CLIP1: variants seen among roughly 807,000 people sequenced by gnomAD.
CLIP1 encodes the protein CAP-Gly domain containing linker protein 1.
CLIP1 carries 66 observed loss-of-function variants against 161.6 expected under a neutral mutation model. That is an observed-to-expected ratio of 0.41 (90% confidence interval 0.33 to 0.50). The LOEUF is 0.50. CLIP1 is among the 20% of genes least tolerant of loss of function. CLIP1 has a pLI of 0.27. For synonymous variants in CLIP1, 598 were observed against 626.2 expected (o/e 0.96, Z 0.67); for missense variants, 1,376 against 1,702.0 (o/e 0.81, Z 3.37).
chr12:122,379,486 C>T (rs377190087), intron 2 of CLIP1, among the ~76,000 whole-genome samples: 5 of 149,840 alleles, frequency 3.3e-5, no homozygotes, highest in African/African-American at 7.4e-5. Flanking sequence ...TGGTGGAGCG[C>T]GCCTGTAATC....
intron 5 of CLIP1, among the ~76,000 whole-genome samples, chr12:122,358,890 G>A (rs1311833144): frequency 3.3e-5 from 5 of 151,984 alleles, no homozygotes; most frequent in African/African-American, 1.2e-4. Flanking sequence ...GTGAAACCTC[G>A]TCTCTACTAA....
chr12:122,357,654 T>G (rs1593153066), intron 5 of CLIP1, among the ~76,000 whole-genome samples: 1 of 139,844 alleles, frequency 7.2e-6, no homozygotes, highest in African/African-American at 2.7e-5. Flanking sequence ...GGAGCCCCTC[T>G]GCCCGGCCAG....
chr12:122,395,968 A>G (rs1242661871), intron 1 of CLIP1: 7 of 152,138 alleles, frequency 4.6e-5, no homozygotes, highest in Non-Finnish European at 7.3e-5. Context: ...TTAGCTGGGC[A>G]TGGTGGTGCG....
intron 1 of CLIP1, among the ~76,000 whole-genome samples, chr12:122,406,307 G>T (rs749574662): frequency 1.2e-4 from 18 of 152,256 alleles, no homozygotes; most frequent in South Asian, 1.0e-3. Context: ...TTAGCCAGGC[G>T]TGGTGGTGCG....
intron 24 of CLIP1, chr12:122,276,610 G>T: frequency 1.9e-6 from 1 of 536,956 alleles, no homozygotes; most frequent in African/African-American, 2.0e-5. Flanking sequence ...GCCCCTCAAA[G>T]GAGGTGTCTG....
At chr12:122,419,828 C>T (rs1033978353) in intron 1 of CLIP1, among the ~76,000 whole-genome samples, 1 of 144,534 alleles carries the variant, frequency 6.9e-6, no homozygotes, top group African/African-American at 2.5e-5. Flanking sequence ...CCCAGCTACT[C>T]GGGAGGCTGA....
chr12:122,350,983 G>T, intron 9 of CLIP1, 128 bp downstream of exon 9: 1 of 629,816 alleles, frequency 1.6e-6, no homozygotes, highest in Non-Finnish European at 2.6e-6. Context: ...CACATGCACA[G>T]AAACATTAAG....
At chr12:122,310,851 T>C (rs1161222750) in intron 19 of CLIP1, among the ~76,000 whole-genome samples, 2 of 152,206 alleles carry the variant, frequency 1.3e-5, no homozygotes, top group East Asian at 1.9e-4. Context: ...TTAACTTCAA[T>C]TGTCTAATGG....
intron 3 of CLIP1, chr12:122,365,223 C>T (rs1055108379): frequency 3.1e-5 from 15 of 481,844 alleles, no homozygotes; most frequent in Non-Finnish European, 4.3e-5. Flanking sequence ...TACCCTAAAA[C>T]TTAAAGTATA....
At chr12:122,412,957 T>A in intron 1 of CLIP1, among the ~76,000 whole-genome samples, 1 of 152,184 alleles carries the variant, frequency 6.6e-6, no homozygotes, top group East Asian at 1.9e-4. Context: ...GCAAGCTACG[T>A]ATCCCTTTCA....
chr12:122,408,581 C>G (rs1048755765), intron 1 of CLIP1, among the ~76,000 whole-genome samples: 4 of 152,110 alleles, frequency 2.6e-5, no homozygotes, highest in Non-Finnish European at 5.9e-5. Flanking sequence ...ATCTCCTGAC[C>G]TCGTGATCCA....
chr12:122,349,784 C>T (rs539713450), intron 9 of CLIP1, among the ~76,000 whole-genome samples: 3 of 152,302 alleles, frequency 2.0e-5, no homozygotes, highest in East Asian at 1.9e-4. Context: ...CCGGGGGCAG[C>T]GGGAGCCTGT....
upstream of CLIP1, among the ~76,000 whole-genome samples, chr12:122,422,849 C>T (rs563805629): frequency 6.6e-6 from 1 of 151,264 alleles, no homozygotes; most frequent in South Asian, 2.1e-4. Context: ...GGCCCCGGCG[C>T]GCCCGCCGCT....
chr12:122,313,639 C>T (rs1213196573), intron 19 of CLIP1, among the ~76,000 whole-genome samples: 1 of 151,980 alleles, frequency 6.6e-6, no homozygotes, highest in Non-Finnish European at 1.5e-5. Context: ...ACCACTTGAA[C>T]CCAGGAGGTG....
chr12:122,315,602 T>C (rs544716361), intron 19 of CLIP1, among the ~76,000 whole-genome samples: 1 of 152,018 alleles, frequency 6.6e-6, no homozygotes, highest in Non-Finnish European at 1.5e-5. Context: ...TCTTCCAAAA[T>C]GCTGGTCATT....
intron 3 of CLIP1, among the ~76,000 whole-genome samples, chr12:122,368,967 CACTTAAA>C (rs1954299371): frequency 6.6e-6 from 1 of 150,850 alleles, no homozygotes; most frequent in Admixed American, 6.6e-5. Flanking sequence ...ATGTAAGCCT[CACTTAAA>C]ACTTAATTGC....
At chr12:122,352,288 C>T (rs945678285) in intron 8 of CLIP1, among the ~76,000 whole-genome samples, 3 of 152,060 alleles carry the variant, frequency 2.0e-5, no homozygotes, top group Non-Finnish European at 4.4e-5. Context: ...AACTCCTGAC[C>T]TCGGGTGATC....
At chr12:122,305,793 C>T (rs6488917) in intron 20 of CLIP1, among the ~76,000 whole-genome samples, 15,481 of 151,784 alleles carry the variant, frequency 0.1, 2,562 homozygotes, top group African/African-American at 0.35. Flanking sequence ...GATGGCTGAG[C>T]GCAGTGGCTC....
chr12:122,388,364 C>T (rs565049468), intron 1 of CLIP1, among the ~76,000 whole-genome samples: 4 of 152,272 alleles, frequency 2.6e-5, no homozygotes, highest in African/African-American at 7.2e-5. Context: ...GGACTACAGG[C>T]ACCTGCAACC....
Sources: gnomAD v4.1 joint callset for allele counts (sites outside exome capture counted in the v4.1 genomes callset) on GRCh38, gnomAD v4.1.1 for gene constraint, MANE v1.5 for transcripts, NCBI Gene and HGNC (gene_info 2026-07-23, HGNC 2026-07-21) for gene names.